Variants in ETV4 observed in about 807,000 individuals in gnomAD.
The protein encoded by ETV4 is ETS translocation variant 4.
In ETV4, 42 loss-of-function variants were observed where a neutral mutation model predicts 65.9. The observed-to-expected ratio is 0.64, with a 90% CI of 0.50 to 0.82. ETV4 has a LOEUF of 0.82. Among genes scored for constraint, ETV4 ranks in the 40% least tolerant of loss-of-function variants. The probability of loss-of-function intolerance (pLI) is 0.00; values close to 1 mark genes in which losing one functional copy is unlikely to be tolerated. For synonymous variants in ETV4, 238 were observed against 260.0 expected, an observed-to-expected ratio of 0.92 and a Z score of 0.81; for missense variants, 583 against 630.3, an observed-to-expected ratio of 0.92 and a Z score of 0.80.
At chr17:43,540,906 C>T (rs1218001388) in intron 4 of ETV4, among the ~76,000 whole-genome samples, 1 of 151,910 alleles carries the variant, frequency 6.6e-6, no homozygotes, top group Non-Finnish European at 1.5e-5. Flanking sequence ...TGACGCATTC[C>T]GGCCCCACCC....
intron 4 of ETV4, 150 bp from the exon 5 acceptor site, chr17:43,536,629 G>C: frequency 1.6e-6 from 1 of 642,290 alleles, no homozygotes; most frequent in African/African-American, 1.8e-5. Flanking sequence ...ATTGTCTTGG[G>C]CCACACATAA....
In ETV4 at chr17:43,533,270, A is replaced by G; in HGVS notation, c.462T>C (p.Phe154=). The change falls in exon 7 of 13, where the codon TTT becomes TTC. Residue 154 remains phenylalanine (F), a synonymous_variant. Transcript: ENST00000319349. ...GALGQSPLQP[F]PRAEQRNFLR... is the part of the protein sequence containing the mutation. ...GGAAATTCCGTTGCTCTGCCCGGGGAAAGGGCTGTAGGGGCGACTGTCCAA... is the reference window on the plus strand; with the variant it reads ...GGAAATTCCGTTGCTCTGCCCGGGGGAAGGGCTGTAGGGGCGACTGTCCAA... The G allele has an allele frequency of 6.2e-7, 1 of 1,613,822 alleles. No homozygotes were observed. Among genetic ancestry groups the G allele is most frequent in the Non-Finnish European group, 8.5e-7 (1 of 1,179,916 alleles).
chr17:43,534,682 G>A (rs985167547), intron 5 of ETV4, among the ~76,000 whole-genome samples: 4 of 152,044 alleles, frequency 2.6e-5, no homozygotes, highest in Admixed American at 1.3e-4. Context: ...GCTCACGCCT[G>A]TAATCCCAGC....
rs571816529 is a variant in ETV4, at chr17:43,530,497, G to A, written c.812-316C>T. On this transcript the variant is annotated intron_variant, in intron 8 of 12. Transcript: ENST00000319349. ...TTCCTGCGAGTTCAGGGGGAGGAGG[G>A]AGGGTGAGATGAACGTCCGGGGAAA... The A allele has an allele frequency of 9.8e-6, 12 of 1,227,074 alleles. No individual in the cohort carries two copies. The East Asian group carries it at 4.1e-4, about 42-fold the overall frequency. The allele number at this position is 1,227,074 out of a possible 1,614,324, so 76.0% of individuals were successfully genotyped here.
chr17:43,536,400 C>A, intron 5 of ETV4, 26 bp downstream of exon 5: 1 of 1,608,524 alleles, frequency 6.2e-7, no homozygotes, highest in Non-Finnish European at 8.5e-7. Context: ...ACTCCCTATA[C>A]CCTCTCCCCA....
intron 5 of ETV4, chr17:43,536,209 C>G (rs1971236255): frequency 1.7e-6 from 1 of 581,214 alleles, no homozygotes; most frequent in Admixed American, 3.1e-5. Flanking sequence ...AATGGAGAAC[C>G]AGAGGGATAG....
intron 4 of ETV4, among the ~76,000 whole-genome samples, chr17:43,542,682 A>G (rs1171555303): frequency 6.6e-6 from 1 of 152,048 alleles, no homozygotes; most frequent in African/African-American, 2.4e-5. Context: ...TCACCCTTCA[A>G]CGCCCGGACG....
intron 4 of ETV4, chr17:43,544,108 T>C (rs924568998): frequency 1.3e-5 from 2 of 152,154 alleles, no homozygotes; most frequent in Admixed American, 1.3e-4. Context: ...TGGGGGTAGT[T>C]AACCCTTCCC....
Position 43,533,879 on chromosome 17 carries a change from G to A in ETV4, c.363C>T (p.Gly121=), listed in dbSNP as rs1379773926. 6.2e-7 allele frequency: 1 copy of A among 1,605,458 alleles called. No homozygotes were observed. Among genetic ancestry groups the A allele is most frequent in the East Asian group, 2.3e-5 (1 of 43,948 alleles). ...SRKPPLPYHH[G]EQCLYSSAYD... The stretch of plus-strand genomic sequence containing the variant: ...CTCACCTGGAGTAAAGGCACTGCTC[G>A]CCATGGTGGTAGGGGAGTGGCGGCT... Residue 121 remains glycine, a synonymous_variant, in exon 6 of 13, where the codon GGC becomes GGT. Transcript: ENST00000319349.
intron 4 of ETV4, among the ~76,000 whole-genome samples, chr17:43,541,247 A>G (rs887341455): frequency 2.5e-4 from 38 of 152,220 alleles, no homozygotes; most frequent in African/African-American, 7.5e-4. Flanking sequence ...TCAACAGGAT[A>G]GAAACAGGAA....
chr17:43,536,043 G>A (rs900202371), intron 5 of ETV4, among the ~76,000 whole-genome samples: 40 of 152,198 alleles, frequency 2.6e-4, no homozygotes, highest in Admixed American at 2.0e-3. Flanking sequence ...CCCGGGAGGC[G>A]GAAGTTGCAG....
At chr17:43,540,758 C>T (rs1347441549) in intron 4 of ETV4, among the ~76,000 whole-genome samples, 1 of 152,160 alleles carries the variant, frequency 6.6e-6, no homozygotes, top group South Asian at 2.1e-4. Flanking sequence ...CCACTGTGCC[C>T]TCTGGTCCAT....
intron 5 of ETV4, 142 bp downstream of exon 5, chr17:43,536,284 C>T: frequency 2.7e-6 from 2 of 746,630 alleles, no homozygotes; most frequent in South Asian, 3.4e-5. Context: ...GGTTTTCATT[C>T]CAGTTATTGC....
chr17:43,533,159 T>C (rs755730563), intron 7 of ETV4, 28 bp downstream of exon 7: 97 of 1,609,466 alleles, frequency 6.0e-5, no homozygotes, highest in Non-Finnish European at 8.0e-5. Context: ...CCTGGGCCCA[T>C]GAGCAGTGGG....
chr17:43,530,270 T>G (rs911959398), intron 8 of ETV4, 89 bp from the exon 9 acceptor site: 104 of 1,533,968 alleles, frequency 6.8e-5, no homozygotes, highest in Non-Finnish European at 8.2e-5. Context: ...ATTCAAGAAT[T>G]TCTTCCTTCC....
intron 8 of ETV4, among the ~76,000 whole-genome samples, chr17:43,531,585 C>T (rs899688034): frequency 2.0e-5 from 3 of 152,100 alleles, no homozygotes; most frequent in Admixed American, 6.5e-5. Context: ...GCACCTGTAA[C>T]CCCAGCTATT....
Position 43,530,095 on chromosome 17 carries a change from G to C in ETV4, c.886+12C>G. Reference sequence around the variant, plus strand: ...CATGGAGGGCTTGGCAGGGGAAGGGGGGCTGCCTTACCCATGGCCCCGTCA... The same window carrying C: ...CATGGAGGGCTTGGCAGGGGAAGGGCGGCTGCCTTACCCATGGCCCCGTCA... On this transcript the variant is annotated intron_variant, in intron 9 of 12. Transcript: ENST00000319349. 6.2e-7 allele frequency: 1 copy of C among 1,602,352 alleles called. No individual in the cohort carries two copies. Among genetic ancestry groups the C allele is most frequent in the Non-Finnish European group, 8.5e-7 (1 of 1,173,998 alleles).
At chr17:43,543,443 C>T (rs1162832188) in intron 4 of ETV4, among the ~76,000 whole-genome samples, 1 of 152,114 alleles carries the variant, frequency 6.6e-6, no homozygotes, top group Non-Finnish European at 1.5e-5. Flanking sequence ...CACAGATGGA[C>T]CAGCTGCTGC....
chr17:43,530,171 C>G lies in ETV4; in HGVS notation c.822G>C (p.Gly274=). Residue 274 remains glycine (G), a synonymous_variant, in exon 9 of 13, where the codon GGG becomes GGC. Coordinates refer to ENST00000319349, the MANE Select transcript of ETV4 (RefSeq NM_001079675.5). ...CTGTGTGGAGGTACATTGATGCGCA[C>G]CCGGTGACATCTGTGGGGGAAGAAG... ...TDFAYDSDVT[G]CASMYLHTEG... 1.3e-6 allele frequency: 2 copies of G among 1,555,902 alleles called. No individual in the cohort carries two copies. Among genetic ancestry groups the G allele is most frequent in the Non-Finnish European group, 1.7e-6 (2 of 1,149,120 alleles).
Sources: allele counts gnomAD v4.1 joint callset (sites outside exome capture counted in the v4.1 genomes callset), GRCh38; gene constraint gnomAD v4.1.1; transcripts MANE v1.5; gene names NCBI Gene and HGNC (gene_info 2026-07-23, HGNC 2026-07-21).